VAX2: variants seen among roughly 807,000 people sequenced by gnomAD.
The protein encoded by VAX2 is ventral anterior homeobox 2.
Under a neutral mutation model 12.5 loss-of-function variants are expected in VAX2, and 8 were observed. The observed-to-expected ratio is 0.64, with a 90% CI of 0.37 to 1.15. The LOEUF (loss-of-function observed/expected upper bound fraction) is 1.15. Ranked by LOEUF, VAX2 falls within the 50% of genes most tolerant of loss-of-function variation. VAX2 has a pLI of 0.01. For missense variants in VAX2, 476 were observed against 412.9 expected (o/e 1.15, Z -1.32); for synonymous variants, 183 against 187.6 (o/e 0.98, Z 0.20).
At chr2:70,921,945 T>A (rs1679467748) in intron 2 of VAX2, among the ~76,000 whole-genome samples, 1 of 152,212 alleles carries the variant, frequency 6.6e-6, no homozygotes. Flanking sequence ...CTACTACTAC[T>A]ACTAATACTT....
intron 1 of VAX2, among the ~76,000 whole-genome samples, chr2:70,902,591 T>A (rs567132707): frequency 8.5e-5 from 13 of 152,288 alleles, no homozygotes; most frequent in African/African-American, 2.9e-4. Flanking sequence ...TGGGTGGACA[T>A]TTTCTTCCCC....
chr2:70,909,455 G>T (rs1043351248), intron 1 of VAX2, among the ~76,000 whole-genome samples: 11 of 152,040 alleles, frequency 7.2e-5, no homozygotes, highest in African/African-American at 2.7e-4. Flanking sequence ...TCCCACCTGC[G>T]CCTCTCATAA....
At chr2:70,919,198 C>A (rs1204587477) in intron 1 of VAX2, among the ~76,000 whole-genome samples, 9 of 139,690 alleles carry the variant, frequency 6.4e-5, no homozygotes, top group African/African-American at 2.1e-4. Flanking sequence ...GGTGCCACTG[C>A]ACTTCAGCCT....
intron 1 of VAX2, among the ~76,000 whole-genome samples, chr2:70,902,477 A>G (rs962777427): frequency 2.0e-5 from 3 of 152,218 alleles, no homozygotes; most frequent in Non-Finnish European, 2.9e-5. Context: ...TCCATTAAAA[A>G]TATCTGTAGG....
In VAX2 at chr2:70,904,310, C is replaced by G. The variant is rs1457643168; in HGVS notation, c.247+3442C>G. 6.6e-6 allele frequency among the ~76,000 whole-genome samples: 1 copy of G among 152,156 alleles called. No individual in the cohort carries two copies. The highest frequency in any genetic ancestry group is 2.4e-5 in the African/African-American group (1 of 41,454). ...GGCTCAAACAGCACAGGGCAGTGGC[C>G]GAGCACCAGGCTTTTCGGTGGAGCT... On this transcript the variant is annotated intron_variant, in intron 1 of 2. Coordinates refer to ENST00000234392, the MANE Select transcript of VAX2 (RefSeq NM_012476.3). The surrounding 1 kb of genome is among the most constrained non-coding windows in gnomAD (Gnocchi z 4.2).
At chr2:70,901,755 G>A (rs1281926015) in intron 1 of VAX2, among the ~76,000 whole-genome samples, 1 of 152,236 alleles carries the variant, frequency 6.6e-6, no homozygotes, top group Admixed American at 6.5e-5. Context: ...CCGGCGAGAT[G>A]AGAGGAGAAA....
At chr2:70,924,500 A>G (rs1679526376) in intron 2 of VAX2, among the ~76,000 whole-genome samples, 1 of 152,112 alleles carries the variant, frequency 6.6e-6, no homozygotes, top group Non-Finnish European at 1.5e-5. Context: ...CCAGCCAATA[A>G]GAGTATATTG....
At chr2:70,928,688 CCT>C (rs1401828978) in intron 2 of VAX2, among the ~76,000 whole-genome samples, 5 of 152,160 alleles carry the variant, frequency 3.3e-5, no homozygotes, top group African/African-American at 7.2e-5. Context: ...TACGAATTGC[CCT>C]CTGTTTTTTG....
rs1378111154 is a variant in VAX2 at position 70,904,824 on chromosome 2, C to A, written c.247+3956C>A. 6.6e-6 allele frequency among the ~76,000 whole-genome samples: 1 copy of A among 152,228 alleles called. No individual in the cohort carries two copies. The highest frequency in any genetic ancestry group is 1.9e-4 in the East Asian group (1 of 5,184). Reference sequence around the variant, plus strand: ...CCCGCCGTGGGACGGGTGGGATTGACCTTAGTGGAGTCCAGTCCTTCGGAG... The same window carrying A: ...CCCGCCGTGGGACGGGTGGGATTGAACTTAGTGGAGTCCAGTCCTTCGGAG... On this transcript the variant is annotated intron_variant, in intron 1 of 2. Transcript: ENST00000234392. This position sits in a 1 kb window ranked among gnomAD's most constrained non-coding sequence, Gnocchi z 4.2.
intron 1 of VAX2, among the ~76,000 whole-genome samples, chr2:70,917,511 C>A (rs1333747521): frequency 6.6e-6 from 1 of 152,172 alleles, no homozygotes; most frequent in African/African-American, 2.4e-5. Flanking sequence ...TTCCCTGCAT[C>A]CTCACCAGCT....
chr2:70,921,428 G>A (rs1320508532), intron 2 of VAX2, 143 bp downstream of exon 2: 3 of 967,510 alleles, frequency 3.1e-6, no homozygotes, highest in African/African-American at 3.4e-5. Flanking sequence ...TAAGCTACAG[G>A]TAAACCAGAG....
rs1406779394 is a variant in VAX2 at position 70,904,059 on chromosome 2, G to A, written c.247+3191G>A. On this transcript the variant is annotated intron_variant, in intron 1 of 2. Coordinates refer to ENST00000234392, the MANE Select transcript of VAX2 (RefSeq NM_012476.3). The surrounding 1 kb of genome is among the most constrained non-coding windows in gnomAD (Gnocchi z 4.2). ...CACATGGGCACGGACCAGAGCTGCT[G>A]AGATGATAGGCCGGGCGCATAACAG... 6.6e-6 allele frequency among the ~76,000 whole-genome samples: 1 copy of A among 152,214 alleles called. No homozygotes were observed. The highest frequency in any genetic ancestry group is 1.5e-5 in the Non-Finnish European group (1 of 68,046).
At chr2:70,911,537 T>C (rs1203938487) in intron 1 of VAX2, among the ~76,000 whole-genome samples, 2 of 152,234 alleles carry the variant, frequency 1.3e-5, no homozygotes, top group East Asian at 1.9e-4. Context: ...CCATATATTA[T>C]ATCAATTTAT....
At chr2:70,911,671 T>C (rs1679190192) in intron 1 of VAX2, among the ~76,000 whole-genome samples, 1 of 152,248 alleles carries the variant, frequency 6.6e-6, no homozygotes, top group Admixed American at 6.5e-5. Context: ...GTTATAACTT[T>C]CATTTTTCTG....
chr2:70,916,860 A>G (rs188521647), intron 1 of VAX2, among the ~76,000 whole-genome samples: 3 of 152,268 alleles, frequency 2.0e-5, no homozygotes, highest in Admixed American at 2.0e-4. Flanking sequence ...ATAGGATTTC[A>G]GCTGGGCTGA....
In VAX2 at chr2:70,906,563, C is replaced by G. The variant is rs75038801; in HGVS notation, c.247+5695C>G. On this transcript the variant is annotated intron_variant, in intron 1 of 2. Transcript: ENST00000234392. ...TTTTTTTTTAGATAGAGTGGTTGCT[C>G]TGTTGCCCAGACTAGAGTGCAAGGG... 6.0e-3 allele frequency among the ~76,000 whole-genome samples: 579 copies of G among 95,758 alleles called. 3 individuals are homozygous for G. The highest frequency in any genetic ancestry group is 0.023 in the African/African-American group (552 of 23,904). The allele number at this position is 95,758 out of a possible 152,430, so 62.8% of individuals were successfully genotyped here.
intron 1 of VAX2, among the ~76,000 whole-genome samples, chr2:70,907,502 C>A (rs1357294947): frequency 6.6e-6 from 1 of 152,262 alleles, no homozygotes; most frequent in Non-Finnish European, 1.5e-5. Flanking sequence ...AATAACCGCG[C>A]AGTTGACGCC....
At chr2:70,901,223 T>C (rs1553409729) in intron 1 of VAX2, among the ~76,000 whole-genome samples, 1 of 152,152 alleles carries the variant, frequency 6.6e-6, no homozygotes, top group Non-Finnish European at 1.5e-5. Flanking sequence ...GAGAAAAGCG[T>C]CTTGCGCGCT....
At chr2:70,902,486 G>A (rs1437353869) in intron 1 of VAX2, among the ~76,000 whole-genome samples, 1 of 152,146 alleles carries the variant, frequency 6.6e-6, no homozygotes, top group Non-Finnish European at 1.5e-5. Flanking sequence ...AATATCTGTA[G>A]GACTGCCAGA....
Sources: allele counts gnomAD v4.1 joint callset (sites outside exome capture counted in the v4.1 genomes callset), GRCh38; gene constraint gnomAD v4.1.1; non-coding constraint Gnocchi (gnomAD v3.1); transcripts MANE v1.5; gene names NCBI Gene and HGNC (gene_info 2026-07-23, HGNC 2026-07-21).